Variants in AGTPBP1 observed in about 807,000 individuals in gnomAD.
The protein encoded by AGTPBP1 is cytosolic carboxypeptidase 1.
A neutral mutation model predicts 143.9 loss-of-function variants in AGTPBP1; 70 were observed. That is an observed-to-expected ratio of 0.49 (90% CI 0.40 to 0.59). The LOEUF (loss-of-function observed/expected upper bound fraction) is 0.59. AGTPBP1 is among the 20% of genes least tolerant of loss of function. The pLI is 0.00. For synonymous variants in AGTPBP1, 463 were observed against 500.2 expected (o/e 0.93, Z 0.99); for missense variants, 1,229 against 1,464.5 (o/e 0.84, Z 2.62).
intron 17 of AGTPBP1, among the ~76,000 whole-genome samples, chr9:85,609,218 C>A (rs1392689811): frequency 6.6e-6 from 1 of 151,998 alleles, no homozygotes; most frequent in South Asian, 2.1e-4. Flanking sequence ...TAAATATACT[C>A]CCTAATTGTT....
the AGTPBP1 span, chr9:85,793,384 C>T: frequency 6.6e-6 from 1 of 152,074 alleles, no homozygotes; most frequent in Non-Finnish European, 1.5e-5. Flanking sequence ...AGACTTTTAG[C>T]TCCTAAATAC....
chr9:85,779,659 G>A, the AGTPBP1 span, among the ~76,000 whole-genome samples: 3 of 152,062 alleles, frequency 2.0e-5, no homozygotes, highest in Non-Finnish European at 2.9e-5. Context: ...GTCCAATCAA[G>A]TTGACACTCA....
intron 2 of AGTPBP1, among the ~76,000 whole-genome samples, chr9:85,706,811 G>A (rs1837038444): frequency 6.6e-6 from 1 of 151,216 alleles, no homozygotes; most frequent in South Asian, 2.1e-4. Flanking sequence ...GGGAGGCAGA[G>A]CTTGCAGTGA....
chr9:85,708,699 G>A (rs549355582), intron 2 of AGTPBP1, among the ~76,000 whole-genome samples: 10 of 151,822 alleles, frequency 6.6e-5, no homozygotes, highest in South Asian at 6.2e-4. Flanking sequence ...CACCACGCCC[G>A]TAGTTTTTAT....
chr9:85,721,989 A>G (rs919925037), intron 1 of AGTPBP1, among the ~76,000 whole-genome samples: 1 of 152,202 alleles, frequency 6.6e-6, no homozygotes, highest in African/African-American at 2.4e-5. Flanking sequence ...AGAATGTTGA[A>G]TATTAGCCCC....
chr9:85,668,834 TA>T (rs529182012), intron 8 of AGTPBP1, among the ~76,000 whole-genome samples: 26 of 150,344 alleles, frequency 1.7e-4, no homozygotes, highest in African/African-American at 5.3e-4. Flanking sequence ...AATTCCACAA[TA>T]AAAAAAAATT....
At chr9:85,756,901 T>TA in the AGTPBP1 span, among the ~76,000 whole-genome samples, 1 of 151,988 alleles carries the variant, frequency 6.6e-6, no homozygotes, top group Non-Finnish European at 1.5e-5. Context: ...GCAATTCCAT[T>TA]TCTGTCCAGA....
chr9:85,609,510 T>A (rs1830189552), intron 17 of AGTPBP1, among the ~76,000 whole-genome samples: 1 of 152,202 alleles, frequency 6.6e-6, no homozygotes, highest in Non-Finnish European at 1.5e-5. Context: ...CTCAAACTCC[T>A]GACCTGGTGA....
At chr9:85,769,594 T>A in the AGTPBP1 span, among the ~76,000 whole-genome samples, 1 of 152,028 alleles carries the variant, frequency 6.6e-6, no homozygotes, top group Non-Finnish European at 1.5e-5. Flanking sequence ...TTCTCTAGTA[T>A]GTGAAAAAAT....
At chr9:85,719,195 C>T (rs1837935350) in intron 1 of AGTPBP1, among the ~76,000 whole-genome samples, 1 of 151,920 alleles carries the variant, frequency 6.6e-6, no homozygotes, top group Non-Finnish European at 1.5e-5. Flanking sequence ...TTTTCCAATT[C>T]TGTGAAGAAA....
chr9:85,550,192 TGTGAGAGAGAGAGA>T (rs1371131061), intron 25 of AGTPBP1, among the ~76,000 whole-genome samples: 3 of 145,368 alleles, frequency 2.1e-5, no homozygotes, highest in African/African-American at 7.8e-5. Flanking sequence ...TGTGTGTGTG[TGTGAGAGAGAGAGA>T]GAGAGAGAGA....
chr9:85,696,666 C>CAAAAAA (rs989968035), intron 2 of AGTPBP1, among the ~76,000 whole-genome samples: 1 of 131,522 alleles, frequency 7.6e-6, no homozygotes. Flanking sequence ...GACTCCGTCT[C>CAAAAAA]AAAAAAAAAA....
intron 1 of AGTPBP1, among the ~76,000 whole-genome samples, chr9:85,734,331 TA>T (rs939244664): frequency 3.0e-4 from 42 of 142,242 alleles, no homozygotes; most frequent in African/African-American, 3.1e-4. Flanking sequence ...ACAAAATACT[TA>T]AAAAAAAAAA....
chr9:85,778,990 G>A, the AGTPBP1 span, among the ~76,000 whole-genome samples: 1 of 151,976 alleles, frequency 6.6e-6, no homozygotes. Flanking sequence ...GACTATCAGT[G>A]TTCTCCATAC....
At chr9:85,759,143 GA>G in the AGTPBP1 span, among the ~76,000 whole-genome samples, 12 of 152,122 alleles carry the variant, frequency 7.9e-5, no homozygotes, top group African/African-American at 2.7e-4. Flanking sequence ...GACCTACAAA[GA>G]GACTTAGACT....
intron 13 of AGTPBP1, 41 bp downstream of exon 13, chr9:85,642,786 T>G (rs1222730464): frequency 6.8e-7 from 1 of 1,478,844 alleles, no homozygotes; most frequent in East Asian, 2.3e-5. Flanking sequence ...AATAACTTTT[T>G]ATTAAAATCA....
intron 14 of AGTPBP1, among the ~76,000 whole-genome samples, chr9:85,628,411 A>G (rs1831435979): frequency 6.6e-6 from 1 of 152,216 alleles, no homozygotes. Context: ...GGGTATACAA[A>G]TCAGTCAAAC....
At chr9:85,602,970 C>T (rs867683220) in intron 17 of AGTPBP1, among the ~76,000 whole-genome samples, 1 of 152,190 alleles carries the variant, frequency 6.6e-6, no homozygotes, top group African/African-American at 2.4e-5. Flanking sequence ...TTTAGACTGA[C>T]CTAGCCAGAT....
At chr9:85,674,952 A>G (rs776391293) in intron 6 of AGTPBP1, among the ~76,000 whole-genome samples, 4 of 152,124 alleles carry the variant, frequency 2.6e-5, no homozygotes, top group African/African-American at 4.8e-5. Context: ...GCTGGAGTGC[A>G]GTGGTACGAT....
Sources: allele counts gnomAD v4.1 joint callset (sites outside exome capture counted in the v4.1 genomes callset), GRCh38; gene constraint gnomAD v4.1.1; transcripts MANE v1.5; gene names NCBI Gene and HGNC (gene_info 2026-07-23, HGNC 2026-07-21).